Variants in LINGO2 observed in about 807,000 individuals in gnomAD.
LINGO2 encodes leucine rich repeat and Ig domain containing 2.
LINGO2 carries 14 observed loss-of-function variants against 30.6 expected under a neutral mutation model. The ratio of observed to expected loss-of-function variants is 0.46; its 90% CI spans 0.30 to 0.72. The LOEUF (loss-of-function observed/expected upper bound fraction) is 0.72, where lower values mean the gene tolerates loss of function less well. LINGO2 is among the 30% of genes least tolerant of loss of function. The pLI, the probability that LINGO2 is intolerant of heterozygous loss-of-function variation, is 0.07. For missense variants in LINGO2, 729 were observed against 751.7 expected, an observed-to-expected ratio of 0.97 and a Z score of 0.35; for synonymous variants, 317 against 288.5, an observed-to-expected ratio of 1.10 and a Z score of -1.00.
intron 2 of LINGO2, among the ~76,000 whole-genome samples, chr9:28,433,084 T>C (rs1450695878): frequency 6.6e-6 from 1 of 152,094 alleles, no homozygotes; most frequent in Non-Finnish European, 1.5e-5. Flanking sequence ...CTTTTTAGCA[T>C]TCAAAATGGC....
At chr9:28,648,453 G>A (rs1588022325) in intron 1 of LINGO2, among the ~76,000 whole-genome samples, 1 of 152,046 alleles carries the variant, frequency 6.6e-6, no homozygotes, top group South Asian at 2.1e-4. Context: ...ACTTAATATA[G>A]TCCAGTGAAT....
intron 3 of LINGO2, among the ~76,000 whole-genome samples, chr9:28,336,865 T>A (rs1294783074): frequency 6.6e-6 from 1 of 151,864 alleles, no homozygotes; most frequent in Non-Finnish European, 1.5e-5. Flanking sequence ...ATACTTTTTT[T>A]AAATAAAAAT....
intron 2 of LINGO2, among the ~76,000 whole-genome samples, chr9:28,396,702 T>TAAAA (rs1564173622): frequency 6.1e-4 from 1 of 1,634 alleles, no homozygotes; most frequent in African/African-American, 1.8e-3. Flanking sequence ...AGACTCCATC[T>TAAAA]CAAAAAAAAA....
the LINGO2 span, among the ~76,000 whole-genome samples, chr9:29,191,273 G>C: frequency 6.6e-6 from 1 of 152,086 alleles, no homozygotes; most frequent in Non-Finnish European, 1.5e-5. Context: ...TTATTGCTAT[G>C]ACTTTGGTAT....
the LINGO2 span, among the ~76,000 whole-genome samples, chr9:28,782,984 T>C: frequency 5.9e-5 from 9 of 152,302 alleles, no homozygotes; most frequent in Non-Finnish European, 1.2e-4. Flanking sequence ...TATACAACTG[T>C]AACACAATGG....
At chr9:28,572,734 G>A (rs1361930091) in intron 1 of LINGO2, among the ~76,000 whole-genome samples, 3 of 152,102 alleles carry the variant, frequency 2.0e-5, no homozygotes, top group Non-Finnish European at 4.4e-5. Flanking sequence ...TAGTCCAACA[G>A]CTTCCAGACA....
chr9:28,256,439 G>A (rs1490915214), intron 4 of LINGO2, among the ~76,000 whole-genome samples: 1 of 151,836 alleles, frequency 6.6e-6, no homozygotes, highest in Non-Finnish European at 1.5e-5. Context: ...AGCCAGATAG[G>A]AAAGTTTTCT....
At chr9:28,214,282 A>T (rs1252707504) in intron 4 of LINGO2, among the ~76,000 whole-genome samples, 1 of 151,612 alleles carries the variant, frequency 6.6e-6, no homozygotes, top group Non-Finnish European at 1.5e-5. Context: ...GAACAAAGAG[A>T]CAGCTGATAA....
the LINGO2 span, among the ~76,000 whole-genome samples, chr9:29,206,230 G>A: frequency 1.3e-5 from 2 of 152,128 alleles, no homozygotes; most frequent in African/African-American, 4.8e-5. Flanking sequence ...AGAGATTCAT[G>A]GGAGCATTTC....
In LINGO2 at chr9:28,670,086, T is replaced by A. The variant is rs569118019; in HGVS notation, c.-365+114A>T. On this transcript the variant is annotated intron_variant, in intron 1 of 5. Coordinates refer to ENST00000379992, the Ensembl canonical transcript of LINGO2. ...TAAATATTTGATTAAATTAATTAAA[T>A]ATATGATTAAATAAAATTATCCACT... The A allele has an allele frequency of 4.6e-5, 7 of 152,132 alleles. 1 individual carries two copies. In the South Asian group the frequency reaches 1.2e-3, roughly 27 times the overall value. The allele number at this position is 152,132 out of a possible 1,614,324, so 9.4% of individuals were successfully genotyped here.
At chr9:29,183,181 A>G in the LINGO2 span, among the ~76,000 whole-genome samples, 2 of 152,230 alleles carry the variant, frequency 1.3e-5, no homozygotes, top group African/African-American at 2.4e-5. Flanking sequence ...TCTATTTCCA[A>G]TGCAACAAAG....
chr9:28,251,966 G>A (rs1385875870), intron 4 of LINGO2, among the ~76,000 whole-genome samples: 2 of 152,094 alleles, frequency 1.3e-5, no homozygotes, highest in African/African-American at 2.4e-5. Context: ...ATTCTTACAT[G>A]TTCTACCACT....
chr9:28,988,467 T>TA, the LINGO2 span, among the ~76,000 whole-genome samples: 21 of 150,238 alleles, frequency 1.4e-4, no homozygotes, highest in South Asian at 8.4e-4. Flanking sequence ...GTGGAGTCTT[T>TA]AAAAAAAAAA....
Position 28,028,450 on chromosome 9 carries a change from C to G in LINGO2, c.-86-16045G>C, listed in dbSNP as rs187419967. ...AAAGGTGGAAGTAGGATTTAGGTTT[C>G]TATAGATGCTATACTTGCTCATATA... On this transcript the variant is annotated intron_variant, in intron 4 of 5. Coordinates refer to ENST00000379992, the Ensembl canonical transcript of LINGO2. 9.2e-5 allele frequency among the ~76,000 whole-genome samples: 14 copies of G among 152,184 alleles called. 1 individual carries two copies. The East Asian group carries it at 2.5e-3, about 27-fold the overall frequency.
the LINGO2 span, among the ~76,000 whole-genome samples, chr9:29,171,748 C>T: frequency 6.6e-6 from 1 of 151,670 alleles, no homozygotes; most frequent in Non-Finnish European, 1.5e-5. Context: ...AATTGCAATA[C>T]AACATCTACC....
chr9:28,292,588 G>A (rs1386212606), intron 4 of LINGO2, among the ~76,000 whole-genome samples: 2 of 151,786 alleles, frequency 1.3e-5, no homozygotes, highest in African/African-American at 4.8e-5. Context: ...TCAGCCTACT[G>A]AGTAGCTGGG....
At chr9:27,976,013 T>C (rs556446474) in intron 5 of LINGO2, among the ~76,000 whole-genome samples, 2 of 152,196 alleles carry the variant, frequency 1.3e-5, no homozygotes, top group East Asian at 3.9e-4. Flanking sequence ...GTTAAGCCCA[T>C]GGGTTTGGAA....
chr9:28,674,040 G>A (rs1000119588), upstream of LINGO2, among the ~76,000 whole-genome samples: 4 of 151,788 alleles, frequency 2.6e-5, no homozygotes, highest in East Asian at 7.8e-4. Context: ...AAAAAATACA[G>A]ATCCAGTCTC....
At chr9:28,988,874 A>G in the LINGO2 span, among the ~76,000 whole-genome samples, 1 of 152,130 alleles carries the variant, frequency 6.6e-6, no homozygotes, top group Non-Finnish European at 1.5e-5. Flanking sequence ...AGAACATGCC[A>G]GTGTTTCAGG....
Sources: gnomAD v4.1 joint callset for allele counts (sites outside exome capture counted in the v4.1 genomes callset) on GRCh38, gnomAD v4.1.1 for gene constraint, MANE v1.5 for transcripts, NCBI Gene and HGNC (gene_info 2026-07-23, HGNC 2026-07-21) for gene names.